AFG1L: variants seen among roughly 807,000 people sequenced by gnomAD.
AFG1L encodes AFG1-like ATPase.
Under a neutral mutation model 62.2 loss-of-function variants are expected in AFG1L, and 53 were observed. The ratio of observed to expected loss-of-function variants is 0.85; its 90% CI spans 0.68 to 1.07. The LOEUF is 1.07. AFG1L is among the 50% of genes least tolerant of loss of function. AFG1L has a pLI of 0.00. For synonymous variants in AFG1L, 228 were observed against 210.3 expected (o/e 1.08, Z -0.73); for missense variants, 555 against 590.5 (o/e 0.94, Z 0.62).
chr6:108,487,999 G>A (rs1773635237), intron 10 of AFG1L, among the ~76,000 whole-genome samples: 1 of 152,144 alleles, frequency 6.6e-6, no homozygotes, highest in Admixed American at 6.5e-5. Context: ...GTATACTCTG[G>A]GAGAGGTTGT....
intron 2 of AFG1L, among the ~76,000 whole-genome samples, chr6:108,332,805 C>T (rs1441807965): frequency 6.6e-6 from 1 of 152,064 alleles, no homozygotes; most frequent in Non-Finnish European, 1.5e-5. Flanking sequence ...TGTGGTCTCA[C>T]CATGTTGCCT....
chr6:108,425,430 G>A (rs2114699404), intron 7 of AFG1L, among the ~76,000 whole-genome samples: 1 of 152,222 alleles, frequency 6.6e-6, no homozygotes, highest in South Asian at 2.1e-4. Flanking sequence ...GTGTGTGTGT[G>A]TGTATGTGTA....
intron 10 of AFG1L, among the ~76,000 whole-genome samples, chr6:108,483,496 A>C (rs1237526580): frequency 6.6e-6 from 1 of 152,208 alleles, no homozygotes; most frequent in African/African-American, 2.4e-5. Context: ...AATCCTACCG[A>C]AAGAAAATAA....
At chr6:108,518,978 C>G (rs1315807010) in intron 11 of AFG1L, among the ~76,000 whole-genome samples, 1 of 152,194 alleles carries the variant, frequency 6.6e-6, no homozygotes, top group Non-Finnish European at 1.5e-5. Flanking sequence ...GTATAAATGT[C>G]AACATCACAG....
At chr6:108,395,958 T>G (rs552578912) in intron 6 of AFG1L, among the ~76,000 whole-genome samples, 3 of 152,168 alleles carry the variant, frequency 2.0e-5, no homozygotes, top group African/African-American at 7.2e-5. Context: ...TCCTCCTACC[T>G]CACCTTCCAA....
chr6:108,433,372 C>T (rs116718477), intron 7 of AFG1L, among the ~76,000 whole-genome samples: 15,120 of 151,530 alleles, frequency 0.1, 1,081 homozygotes, highest in African/African-American at 0.2. Flanking sequence ...CTCCGCCTCC[C>T]GGGTTCAGCC....
chr6:108,315,626 G>A (rs1399166891), intron 1 of AFG1L, among the ~76,000 whole-genome samples: 1 of 151,962 alleles, frequency 6.6e-6, no homozygotes, highest in Non-Finnish European at 1.5e-5. Context: ...TGTTGCCCAG[G>A]CTGGAGTGCA....
chr6:108,470,104 C>A (rs12202169), intron 8 of AFG1L, among the ~76,000 whole-genome samples: 56,768 of 152,062 alleles, frequency 0.37, 11,111 homozygotes, highest in Non-Finnish European at 0.45. Flanking sequence ...CACCTCTCAC[C>A]TTCTGATTTC....
At chr6:108,407,490 G>A (rs1781908696) in intron 7 of AFG1L, among the ~76,000 whole-genome samples, 1 of 152,056 alleles carries the variant, frequency 6.6e-6, no homozygotes, top group African/African-American at 2.4e-5. Flanking sequence ...ACCAGCCTGA[G>A]CAACATAGTG....
At position 108,524,460 on chromosome 6, in the gene AFG1L, A is replaced by G. The variant is rs1379502045; in HGVS notation, c.*2035A>G. ...ATTGGGAATAAAGTTTCATTTTTCC[A>G]TCGAAACAATCACGTAATGTTAGTT... is the stretch of plus-strand genomic sequence containing the variant. On this transcript the variant is annotated 3_prime_UTR_variant, in exon 13 of 13. Coordinates refer to ENST00000368977, the MANE Select transcript of AFG1L (RefSeq NM_145315.5). The G allele has an allele frequency of 6.6e-6, 1 of 152,214 alleles. No homozygotes were observed. Among genetic ancestry groups the G allele is most frequent in the African/African-American group, 2.4e-5 (1 of 41,444 alleles). The allele number at this position is 152,214 out of a possible 1,614,324, so 9.4% of individuals were successfully genotyped here. A position where few individuals can be genotyped will look rare whatever the true frequency, so the allele number is the denominator to read the frequency against.
At chr6:108,295,963 A>G (rs747061241) in intron 1 of AFG1L, 6 of 152,234 alleles carry the variant, frequency 3.9e-5, no homozygotes, top group African/African-American at 9.7e-5. Flanking sequence ...GAGTGAATGA[A>G]TGAATGAAAT....
At chr6:108,313,042 G>A (rs768239517) in intron 1 of AFG1L, among the ~76,000 whole-genome samples, 6 of 152,314 alleles carry the variant, frequency 3.9e-5, no homozygotes, top group Middle Eastern at 3.4e-3. Flanking sequence ...CTTTTGAAGA[G>A]TATCGGGGAA....
chr6:108,404,274 A>T (rs1275374750), intron 7 of AFG1L, among the ~76,000 whole-genome samples: 1 of 152,206 alleles, frequency 6.6e-6, no homozygotes, highest in Non-Finnish European at 1.5e-5. Context: ...TATAAACAAG[A>T]TAGAAATTTG....
rs538611031 is a variant in AFG1L at position 108,463,646 on chromosome 6, T to C, written c.891-13219T>C. Among the ~76,000 whole-genome samples, 7 of 152,254 alleles carry C rather than the reference T, an allele frequency of 4.6e-5. No homozygotes were observed. The South Asian group carries it at 6.2e-4, about 14-fold the overall frequency. On this transcript the variant is annotated intron_variant, in intron 8 of 12. Coordinates refer to ENST00000368977, the MANE Select transcript of AFG1L (RefSeq NM_145315.5). ...GTGCTAGATACCACTTTCTGCATAA[T>C]GTACAGGTCAAGATTAATGGAACCA...
chr6:108,388,049 C>T (rs1457166735), intron 6 of AFG1L: 1 of 152,084 alleles, frequency 6.6e-6, no homozygotes, highest in Non-Finnish European at 1.5e-5. Context: ...ACTCCAAAGA[C>T]AATCTAGAGG....
chr6:108,522,231 T>A, intron 12 of AFG1L, 66 bp from the exon 13 acceptor site: 1 of 1,527,740 alleles, frequency 6.5e-7, no homozygotes, highest in African/African-American at 1.4e-5. Context: ...TTTTTAAACC[T>A]ATACTTAGGT....
intron 7 of AFG1L, among the ~76,000 whole-genome samples, chr6:108,414,984 C>T (rs1034517819): frequency 2.0e-5 from 3 of 152,084 alleles, no homozygotes; most frequent in African/African-American, 7.2e-5. Flanking sequence ...TCAAATTGTC[C>T]CTGTTTGCAG....
intron 7 of AFG1L, among the ~76,000 whole-genome samples, chr6:108,419,942 G>A (rs1056532943): frequency 6.6e-6 from 1 of 152,096 alleles, no homozygotes; most frequent in African/African-American, 2.4e-5. Flanking sequence ...TCTGCATTAG[G>A]ATTTATAGAC....
At chr6:108,349,208 G>T (rs1012676518) in intron 3 of AFG1L, among the ~76,000 whole-genome samples, 3 of 152,150 alleles carry the variant, frequency 2.0e-5, no homozygotes, top group Admixed American at 1.3e-4. Context: ...AATCGGCCAG[G>T]CATGGTGGCT....
Sources: allele counts gnomAD v4.1 joint callset (sites outside exome capture counted in the v4.1 genomes callset), GRCh38; gene constraint gnomAD v4.1.1; transcripts MANE v1.5; gene names NCBI Gene and HGNC (gene_info 2026-07-23, HGNC 2026-07-21).